The following WDR25 variants were observed in gnomAD, a reference collection of about 807,000 sequenced individuals.
WDR25 encodes the protein WD repeat-containing protein 25.
In WDR25, 35 loss-of-function variants were observed where a neutral mutation model predicts 47.7. The observed-to-expected ratio is 0.73, with a 90% CI of 0.56 to 0.97. The LOEUF (loss-of-function observed/expected upper bound fraction) is 0.97, where lower values mean the gene tolerates loss of function less well. Ranked by LOEUF, WDR25 falls within the 50% of genes least tolerant of loss-of-function variation. The probability of loss-of-function intolerance (pLI) is 0.00; values close to 1 mark genes in which losing one functional copy is unlikely to be tolerated. For synonymous variants in WDR25, 248 were observed against 278.9 expected (o/e 0.89, Z 1.10); for missense variants, 634 against 704.7 (o/e 0.90, Z 1.14).
chr14:100,466,790 A>G (rs1899644735), intron 2 of WDR25, among the ~76,000 whole-genome samples: 1 of 152,170 alleles, frequency 6.6e-6, no homozygotes, highest in Non-Finnish European at 1.5e-5. Flanking sequence ...GGTAGGTGAG[A>G]GCACTGCCCT....
intron 4 of WDR25, among the ~76,000 whole-genome samples, chr14:100,520,235 T>G (rs1266738476): frequency 6.6e-6 from 1 of 151,880 alleles, no homozygotes; most frequent in Non-Finnish European, 1.5e-5. Flanking sequence ...ATATTTTTCT[T>G]GTGGAGACAA....
At chr14:100,526,898 C>CACT (rs1213131440) in intron 5 of WDR25, among the ~76,000 whole-genome samples, 4 of 146,648 alleles carry the variant, frequency 2.7e-5, no homozygotes, top group African/African-American at 1.1e-4. Context: ...CCACCACCTC[C>CACT]ACTGTCATCA....
intron 4 of WDR25, chr14:100,487,874 A>G (rs1404836951): frequency 2.0e-5 from 3 of 152,210 alleles, no homozygotes; most frequent in African/African-American, 7.2e-5. Context: ...AAGCAAGCCT[A>G]CATTGTGAAG....
chr14:100,420,953 C>T (rs1049856605), intron 2 of WDR25, among the ~76,000 whole-genome samples: 4 of 152,342 alleles, frequency 2.6e-5, no homozygotes, highest in African/African-American at 9.6e-5. Context: ...TTCCTCATCT[C>T]AGTCTTCCTT....
rs1896895241 is a variant in WDR25 at position 100,381,486 on chromosome 14, A to G, written c.562A>G (p.Ser188Gly). The G allele has an allele frequency of 1.9e-6, 3 of 1,614,184 alleles. No homozygotes were observed. The highest frequency in any genetic ancestry group is 1.7e-6 in the Non-Finnish European group (2 of 1,180,028). ...PRRLRQRQAL[S>G]TETGKGKDVE... The stretch of plus-strand genomic sequence containing the variant: ...AAGACTAAGACAGCGGCAGGCATTA[A>G]GCACGGAGACAGGCAAGGGTAAAGA... The change falls in exon 2 of 7, where the codon AGC (serine) becomes GGC (glycine). Residue 188 changes from serine (S) to glycine (G), a missense_variant. Transcript: ENST00000402312.
In WDR25 at chr14:100,519,878, A is replaced by C. The variant is rs1281883123; in HGVS notation, c.1102-5992A>C. On this transcript the variant is annotated intron_variant, in intron 4 of 6. Transcript: ENST00000402312. Reference sequence around the variant, plus strand: ...TATATATATACTATATATACACTATATGTATATATGTATATATGTATACTA... The same window carrying C: ...TATATATATACTATATATACACTATCTGTATATATGTATATATGTATACTA... 2.9e-5 allele frequency among the ~76,000 whole-genome samples: 4 copies of C among 135,958 alleles called. No homozygotes were observed. In the East Asian group the frequency reaches 6.2e-4, roughly 21 times the overall value. The allele number at this position is 135,958 out of a possible 152,430, so 89.2% of individuals were successfully genotyped here.
chr14:100,512,908 A>AT (rs1901355446), intron 4 of WDR25, among the ~76,000 whole-genome samples: 1 of 151,938 alleles, frequency 6.6e-6, no homozygotes, highest in Non-Finnish European at 1.5e-5. Context: ...CCTCTTTGTT[A>AT]TTTTTTCTAA....
chr14:100,438,995 C>CA (rs1898583496), intron 2 of WDR25, among the ~76,000 whole-genome samples: 4 of 152,166 alleles, frequency 2.6e-5, no homozygotes, highest in Admixed American at 6.5e-5. Context: ...CACCTGCCCA[C>CA]AAAAAATGGC....
At chr14:100,490,462 G>A (rs1900525525) in intron 4 of WDR25, among the ~76,000 whole-genome samples, 1 of 152,244 alleles carries the variant, frequency 6.6e-6, no homozygotes, top group Non-Finnish European at 1.5e-5. Context: ...TTGGATGGGA[G>A]TGATCTCAGG....
intron 2 of WDR25, among the ~76,000 whole-genome samples, chr14:100,450,870 G>T (rs1899007185): frequency 6.6e-6 from 1 of 152,194 alleles, no homozygotes; most frequent in Non-Finnish European, 1.5e-5. Flanking sequence ...GAGGAAAGAT[G>T]TGACATGCAA....
Position 100,529,267 on chromosome 14 carries a change from G to A in WDR25, c.1413+59G>A. On this transcript the variant is annotated intron_variant, in intron 6 of 6. Coordinates refer to ENST00000402312, the MANE Select transcript of WDR25 (RefSeq NM_001161476.3). This position sits in a 1 kb window ranked among gnomAD's most constrained non-coding sequence, Gnocchi z 5.1. ...AGCCCCAGCCCCAAGCCTCCTGGCA[G>A]TCCTGGACATGGGCCCTGGGGTGCA... The A allele has an allele frequency of 6.2e-7, 1 of 1,606,418 alleles. No homozygotes were observed. Among genetic ancestry groups the A allele is most frequent in the Non-Finnish European group, 8.5e-7 (1 of 1,177,248 alleles).
At chr14:100,517,375 C>T (rs1258242526) in intron 4 of WDR25, among the ~76,000 whole-genome samples, 1 of 151,916 alleles carries the variant, frequency 6.6e-6, no homozygotes, top group Non-Finnish European at 1.5e-5. Flanking sequence ...TCTTTTCCTG[C>T]CTTCTTTGGA....
chr14:100,523,024 C>T lies in WDR25; in HGVS notation c.1102-2846C>T, dbSNP rs1222106131. Among the ~76,000 whole-genome samples, 1 of 152,244 alleles carries T rather than the reference C, an allele frequency of 6.6e-6. No individual in the cohort carries two copies. The highest frequency in any genetic ancestry group is 2.4e-5 in the African/African-American group (1 of 41,470). Reference sequence around the variant, plus strand: ...AAGGACCTGTGAGTGAATGTCATCTCACCCGGGGGTCCTGGGAGAGCCAGT... The same window carrying T: ...AAGGACCTGTGAGTGAATGTCATCTTACCCGGGGGTCCTGGGAGAGCCAGT... On this transcript the variant is annotated intron_variant, in intron 4 of 6. Transcript: ENST00000402312. The surrounding 1 kb of genome is among the most constrained non-coding windows in gnomAD (Gnocchi z 4.7).
intron 2 of WDR25, among the ~76,000 whole-genome samples, chr14:100,463,533 A>T (rs1899499744): frequency 6.6e-6 from 1 of 151,948 alleles, no homozygotes; most frequent in Non-Finnish European, 1.5e-5. Context: ...TGGGGCTGAG[A>T]TGTGGGACTC....
At chr14:100,486,046 T>TC (rs1435410131) in intron 4 of WDR25, among the ~76,000 whole-genome samples, 5 of 143,994 alleles carry the variant, frequency 3.5e-5, no homozygotes, top group African/African-American at 1.5e-4. Context: ...CACAGTGGCA[T>TC]TAAAAAAAAA....
chr14:100,526,143 CACT>C, intron 5 of WDR25, 103 bp downstream of exon 5: 1 of 1,376,966 alleles, frequency 7.3e-7, no homozygotes, highest in Non-Finnish European at 9.9e-7. Context: ...GGAGGAGGCT[CACT>C]GGACTGAAAT....
chr14:100,412,195 A>G, intron 2 of WDR25, among the ~76,000 whole-genome samples: 3 of 140,858 alleles, frequency 2.1e-5, no homozygotes, highest in East Asian at 4.3e-4. Context: ...TGACAGAGTG[A>G]GACCCTGTCT....
intron 4 of WDR25, among the ~76,000 whole-genome samples, chr14:100,509,505 CTG>C (rs1042994649): frequency 1.3e-5 from 2 of 152,080 alleles, no homozygotes; most frequent in African/African-American, 4.8e-5. Context: ...GGGGAATTCT[CTG>C]TTTTTGTTTA....
Position 100,484,014 on chromosome 14 carries a change from C to T in WDR25, c.991C>T (p.Arg331Ter), listed in dbSNP as rs777811028. ...TGTAGGAACCCAGCTATTTAGTGGT[C>T]GAAGTGACTTTAGAATCACTACCTT... is the stretch of plus-strand genomic sequence containing the variant. Reference protein sequence around the residue: ...LETGTQLFSGRSDFRITTLKF... With the variant: ...LETGTQLFSG The change falls in exon 4 of 7, where the codon CGA becomes TGA. Residue 331 changes from arginine (R) to a stop codon, truncating the protein, a stop_gained. Transcript: ENST00000402312. LOFTEE classifies it high-confidence loss of function. 1.5e-5 allele frequency: 24 copies of T among 1,612,638 alleles called. No individual in the cohort carries two copies. Among genetic ancestry groups the T allele is most frequent in the Non-Finnish European group, 1.9e-5 (22 of 1,179,636 alleles).
Sources: gnomAD v4.1 joint callset for allele counts (sites outside exome capture counted in the v4.1 genomes callset) on GRCh38, gnomAD v4.1.1 for gene constraint, Gnocchi (gnomAD v3.1) non-coding constraint, MANE v1.5 for transcripts, NCBI Gene and HGNC (gene_info 2026-07-23, HGNC 2026-07-21) for gene names.